Variants in MANSC1 observed in about 807,000 individuals in gnomAD.
MANSC1 encodes the protein MANSC domain-containing protein 1.
MANSC1 carries 13 observed loss-of-function variants against 14.1 expected under a neutral mutation model. That is an observed-to-expected ratio of 0.92 (90% CI 0.60 to 1.46). The LOEUF is 1.46. Ranked by LOEUF, MANSC1 falls within the 40% of genes most tolerant of loss-of-function variation. The pLI is 0.00. For missense variants in MANSC1, 486 were observed against 511.4 expected (o/e 0.95, Z 0.48); for synonymous variants, 227 against 200.7 (o/e 1.13, Z -1.11).
intron 2 of MANSC1, among the ~76,000 whole-genome samples, chr12:12,342,411 C>T (rs1259829875): frequency 1.3e-5 from 2 of 152,148 alleles, no homozygotes; most frequent in African/African-American, 4.8e-5. Flanking sequence ...TACTAAAATA[C>T]ACAGTATACT....
rs1240132248 is a variant in MANSC1, at chr12:12,327,409, A to T, written c.*2618T>A. ...GAGAAGAGCACTCTTTCCACTCCAG[A>T]TGTCCCCTACAACCTATATCCTCAC... On this transcript the variant is annotated 3_prime_UTR_variant, in exon 4 of 4. Coordinates refer to ENST00000535902, the MANE Select transcript of MANSC1 (RefSeq NM_018050.4). The T allele has an allele frequency of 1.3e-5, 2 of 152,222 alleles. No individual in the cohort carries two copies. Among genetic ancestry groups the T allele is most frequent in the Non-Finnish European group, 2.9e-5 (2 of 68,088 alleles). The allele number at this position is 152,222 out of a possible 1,614,324, so 9.4% of individuals were successfully genotyped here.
chr12:12,331,811 T>C lies in MANSC1; in HGVS notation c.365-853A>G, dbSNP rs888513084. 3.3e-5 allele frequency among the ~76,000 whole-genome samples: 5 copies of C among 152,116 alleles called. No homozygotes were observed. In the South Asian group the frequency reaches 8.3e-4, roughly 25 times the overall value. On this transcript the variant is annotated intron_variant, in intron 3 of 3. Coordinates refer to ENST00000535902, the MANE Select transcript of MANSC1 (RefSeq NM_018050.4). ...CAACGACAACAAAAAACCAGAGATA[T>C]ATCGTTCCAGCACTGTGCGCAGAGG...
chr12:12,335,623 G>C (rs1862848642), intron 3 of MANSC1, among the ~76,000 whole-genome samples: 1 of 151,178 alleles, frequency 6.6e-6, no homozygotes, highest in Admixed American at 6.6e-5. Flanking sequence ...ACATACATGA[G>C]TCAGGAGGTC....
Position 12,347,642 on chromosome 12 carries a change from G to A in MANSC1, c.-101+2436C>T, listed in dbSNP as rs989933025. 3.3e-5 allele frequency among the ~76,000 whole-genome samples: 5 copies of A among 152,220 alleles called. No individual in the cohort carries two copies. The South Asian group carries it at 1.0e-3, about 31-fold the overall frequency. On this transcript the variant is annotated intron_variant, in intron 1 of 3. Coordinates refer to ENST00000535902, the MANE Select transcript of MANSC1 (RefSeq NM_018050.4). ...ATATACAGATGACAAATAAGCATAT[G>A]AAAAGGTATCTAACATCATATGTCA...
chr12:12,345,123 C>T lies in MANSC1; in HGVS notation c.-100-1709G>A, dbSNP rs865870174. ...TCACCTGAGGTCAGGAGTTCGACAC[C>T]AGCCTGGCCAATGTGGTGAAACCCC... On this transcript the variant is annotated intron_variant, in intron 1 of 3. Transcript: ENST00000535902. Among the ~76,000 whole-genome samples, 7 of 148,750 alleles carry T rather than the reference C, an allele frequency of 4.7e-5. No homozygotes were observed. The South Asian group carries it at 1.5e-3, about 32-fold the overall frequency.
chr12:12,344,659 C>T (rs921324344), intron 1 of MANSC1, among the ~76,000 whole-genome samples: 1 of 149,856 alleles, frequency 6.7e-6, no homozygotes, highest in African/African-American at 2.5e-5. Flanking sequence ...TTAGTAGAGA[C>T]GGGGTTTCAC....
chr12:12,343,838 G>A lies in MANSC1; in HGVS notation c.-100-424C>T, dbSNP rs1001893943. Among the ~76,000 whole-genome samples, 54 of 152,294 alleles carry A rather than the reference G, an allele frequency of 3.5e-4. No individual in the cohort carries two copies. The East Asian group carries it at 6.9e-3, about 20-fold the overall frequency. On this transcript the variant is annotated intron_variant, in intron 1 of 3. Transcript: ENST00000535902. ...TAAAATCATCTACTAGGGGCTAGGC[G>A]TGGTAGCTCATGCCTGTAATCTCAG...
In MANSC1 at chr12:12,343,361, T is replaced by C; in HGVS notation, c.-47A>G. 1 of 1,363,072 alleles carries C rather than the reference T, an allele frequency of 7.3e-7. No individual in the cohort carries two copies. The highest frequency in any genetic ancestry group is 1.0e-6 in the Non-Finnish European group (1 of 958,394). The allele number at this position is 1,363,072 out of a possible 1,614,324, so 84.4% of individuals were successfully genotyped here. A position where few individuals can be genotyped will look rare whatever the true frequency, so the allele number is the denominator to read the frequency against. On this transcript the variant is annotated 5_prime_UTR_variant, in exon 2 of 4. Transcript: ENST00000535902. ...GGTCTTCAAAGGTCAAGGATAATCC[T>C]CCCTCTGGTCTTAGTTTGCTTTAAG...
chr12:12,349,512 G>T lies in MANSC1; in HGVS notation c.-101+566C>A, dbSNP rs1423797826. 2.6e-5 allele frequency among the ~76,000 whole-genome samples: 4 copies of T among 152,310 alleles called. No homozygotes were observed. In the South Asian group the frequency reaches 8.3e-4, roughly 32 times the overall value. On this transcript the variant is annotated intron_variant, in intron 1 of 3. Coordinates refer to ENST00000535902, the MANE Select transcript of MANSC1 (RefSeq NM_018050.4). Reference sequence around the variant, plus strand: ...ATTATTATTTAGGCTTTAAGGGCCTGAAGTCGAGTTGAATCTTGTTGAAAG... The same window carrying T: ...ATTATTATTTAGGCTTTAAGGGCCTTAAGTCGAGTTGAATCTTGTTGAAAG...
rs867228602 is a variant in MANSC1 at position 12,336,192 on chromosome 12, G to A, written c.364+2228C>T. 1.1e-4 allele frequency among the ~76,000 whole-genome samples: 17 copies of A among 152,250 alleles called. No individual in the cohort carries two copies. In the South Asian group the frequency reaches 2.5e-3, roughly 22 times the overall value. The stretch of plus-strand genomic sequence containing the variant: ...CCTCCTATGACTTACAAGGTGTTAT[G>A]TGATCTGGCCCTCCCCACCGTTTTG... On this transcript the variant is annotated intron_variant, in intron 3 of 3. Coordinates refer to ENST00000535902, the MANE Select transcript of MANSC1 (RefSeq NM_018050.4).
At chr12:12,332,562 C>T (rs551353887) in intron 3 of MANSC1, among the ~76,000 whole-genome samples, 1 of 152,292 alleles carries the variant, frequency 6.6e-6, no homozygotes, top group African/African-American at 2.4e-5. Flanking sequence ...ACTCTGTCGC[C>T]CAGGCTGGAG....
Position 12,328,388 on chromosome 12 carries a change from C to G in MANSC1, c.*1639G>C, listed in dbSNP as rs1330784758. On this transcript the variant is annotated 3_prime_UTR_variant, in exon 4 of 4. Transcript: ENST00000535902. The stretch of plus-strand genomic sequence containing the variant: ...TCTCCTGCCTCAGCCTCCCAAGTAG[C>G]TGGAACTACAGGCGCCCGCCACCAC... 1 of 152,010 alleles carries G rather than the reference C, an allele frequency of 6.6e-6. No individual in the cohort carries two copies. The highest frequency in any genetic ancestry group is 2.4e-5 in the African/African-American group (1 of 41,414). The allele number at this position is 152,010 out of a possible 1,614,324, so 9.4% of individuals were successfully genotyped here. A position where few individuals can be genotyped will look rare whatever the true frequency, so the allele number is the denominator to read the frequency against.
intron 1 of MANSC1, among the ~76,000 whole-genome samples, chr12:12,343,929 T>C (rs1862971010): frequency 1.3e-5 from 2 of 151,946 alleles, no homozygotes; most frequent in Admixed American, 6.6e-5. Context: ...CTGGGCAACA[T>C]GGTGAAACCC....
Position 12,327,892 on chromosome 12 carries a change from G to C in MANSC1, c.*2135C>G, listed in dbSNP as rs1463232971. 2 of 152,324 alleles carry C rather than the reference G, an allele frequency of 1.3e-5. No individual in the cohort carries two copies. The highest frequency in any genetic ancestry group is 6.5e-5 in the Admixed American group (1 of 15,274). The allele number at this position is 152,324 out of a possible 1,614,324, so 9.4% of individuals were successfully genotyped here. A position where few individuals can be genotyped will look rare whatever the true frequency, so the allele number is the denominator to read the frequency against. ...GGGTACCAGAAGAGCAGAGGGGAAG[G>C]AGGTGAGGAGGAAGGAAGAGGTGAG... is the stretch of plus-strand genomic sequence containing the variant. On this transcript the variant is annotated 3_prime_UTR_variant, in exon 4 of 4. Transcript: ENST00000535902.
chr12:12,343,030 C>A, intron 2 of MANSC1, 62 bp downstream of exon 2: 1 of 1,158,088 alleles, frequency 8.6e-7, no homozygotes, highest in South Asian at 1.3e-5. Flanking sequence ...TCAGCCACAT[C>A]CCCCAGCTCC....
Position 12,338,472 on chromosome 12 carries a change from T to A in MANSC1, c.312A>T (p.Glu104Asp), listed in dbSNP as rs1565799551. The A allele has an allele frequency of 1.2e-6, 2 of 1,613,250 alleles. No homozygotes were observed. Among genetic ancestry groups the A allele is most frequent in the South Asian group, 1.1e-5 (1 of 90,870 alleles). Residue 104 changes from glutamate to aspartate, a missense_variant, in exon 3 of 4, where the codon GAA becomes GAT. Coordinates refer to ENST00000535902, the MANE Select transcript of MANSC1 (RefSeq NM_018050.4). ...NCYLFFCPNEEACPLKPAKGL... is the reference protein window; with the variant it reads ...NCYLFFCPNEDACPLKPAKGL... ...CTTTTGCTGGTTTCAATGGACAGGCTTCCTCGTTGGGACAGAAAAATAGGT... is the reference window on the plus strand; with the variant it reads ...CTTTTGCTGGTTTCAATGGACAGGCATCCTCGTTGGGACAGAAAAATAGGT...
intron 3 of MANSC1, among the ~76,000 whole-genome samples, chr12:12,333,133 A>G (rs1266360265): frequency 6.6e-6 from 1 of 151,868 alleles, no homozygotes; most frequent in African/African-American, 2.4e-5. Context: ...TGCAGCCTCA[A>G]CCTCCTGGGT....
In MANSC1 at chr12:12,344,944, T is replaced by C. The variant is rs1477618197; in HGVS notation, c.-100-1530A>G. Among the ~76,000 whole-genome samples, 131 of 96,982 alleles carry C rather than the reference T, an allele frequency of 1.4e-3. 9 individuals are homozygous for C. Among genetic ancestry groups the C allele is most frequent in the African/African-American group, 4.8e-3 (129 of 26,656 alleles). The allele number at this position is 96,982 out of a possible 152,430, so 63.6% of individuals were successfully genotyped here. On this transcript the variant is annotated intron_variant, in intron 1 of 3. Coordinates refer to ENST00000535902, the MANE Select transcript of MANSC1 (RefSeq NM_018050.4). ...ATATATATATATATATATATATATA[T>C]ATATATATATATATATATATATATT...
intron 3 of MANSC1, among the ~76,000 whole-genome samples, chr12:12,335,502 G>A (rs1209391250): frequency 1.3e-5 from 2 of 151,414 alleles, no homozygotes; most frequent in African/African-American, 4.8e-5. Flanking sequence ...CAGCACACCC[G>A]GCTAATTTTT....
Sources: allele counts gnomAD v4.1 joint callset (sites outside exome capture counted in the v4.1 genomes callset), GRCh38; gene constraint gnomAD v4.1.1; transcripts MANE v1.5; gene names NCBI Gene and HGNC (gene_info 2026-07-23, HGNC 2026-07-21).